The following SGK2 variants were observed in gnomAD, a reference collection of about 807,000 sequenced individuals.
The protein encoded by SGK2 is serum/glucocorticoid regulated kinase 2, also known as serine/threonine-protein kinase Sgk2.
SGK2 carries 36 observed loss-of-function variants against 47.5 expected under a neutral mutation model. That is an observed-to-expected ratio of 0.76 (90% CI 0.58 to 1.00). SGK2 has a LOEUF of 1.00. Ranked by LOEUF, SGK2 falls within the 50% of genes least tolerant of loss-of-function variation. The pLI, the probability that SGK2 is intolerant of heterozygous loss-of-function variation, is 0.00. For missense variants in SGK2, 404 were observed against 467.4 expected (o/e 0.86, Z 1.25); for synonymous variants, 157 against 181.9 (o/e 0.86, Z 1.10).
intron 1 of SGK2, chr20:43,566,074 G>C (rs2145532491): frequency 2.4e-6 from 1 of 423,238 alleles, no homozygotes; most frequent in South Asian, 7.3e-5. Context: ...TAGGCCACAG[G>C]CCTTCCATCT....
intron 11 of SGK2, among the ~76,000 whole-genome samples, chr20:43,579,201 G>C (rs1235338621): frequency 3.3e-5 from 5 of 151,998 alleles, no homozygotes; most frequent in Admixed American, 2.6e-4. Flanking sequence ...TATTTTTGTA[G>C]AGACGAGGTC....
chr20:43,579,664 G>A (rs902068701), intron 11 of SGK2, among the ~76,000 whole-genome samples: 2 of 152,166 alleles, frequency 1.3e-5, no homozygotes, highest in East Asian at 1.9e-4. Context: ...CCCACCCCCA[G>A]AGCAGATTCT....
intron 11 of SGK2, among the ~76,000 whole-genome samples, chr20:43,576,828 G>A (rs774668929): frequency 1.1e-4 from 16 of 152,212 alleles, no homozygotes; most frequent in Non-Finnish European, 2.4e-4. Flanking sequence ...TGTAATCCTG[G>A]CTACTTAGTA....
In SGK2 at chr20:43,585,480, C is replaced by T. The variant is rs1376958842; in HGVS notation, c.*464C>T. The T allele has an allele frequency of 6.4e-6, 1 of 155,140 alleles. No homozygotes were observed. Among genetic ancestry groups the T allele is most frequent in the Non-Finnish European group, 1.4e-5 (1 of 69,722 alleles). 9.6% of individuals were successfully genotyped at this position (155,140 alleles called of 1,614,324 possible). ...GACTATCCCTAATAACAAAGGGGTTCTGACACTAAGACATTAGGGGAGAAT... is the reference window on the plus strand; with the variant it reads ...GACTATCCCTAATAACAAAGGGGTTTTGACACTAAGACATTAGGGGAGAAT... On this transcript the variant is annotated 3_prime_UTR_variant, in exon 13 of 13. Transcript: ENST00000373100.
intron 1 of SGK2, among the ~76,000 whole-genome samples, chr20:43,560,153 TAACTC>T (rs1179404137): frequency 4.6e-5 from 7 of 152,196 alleles, no homozygotes; most frequent in Admixed American, 6.5e-5. Flanking sequence ...ACTTGAATAT[TAACTC>T]AACAGCAATA....
Position 43,567,080 on chromosome 20 carries a change from A to G in SGK2, c.49A>G (p.Asn17Asp). 1.2e-6 allele frequency: 2 copies of G among 1,614,150 alleles called. No homozygotes were observed. Among genetic ancestry groups the G allele is most frequent in the Non-Finnish European group, 1.7e-6 (2 of 1,179,962 alleles). ...GTPSPQPSRA[N>D]GNINLGPSAN... ...CTTCTTTCTTTAGCCCTCCAGGGCC[A>G]ATGGGAACATCAACCTGGGGCCTTC... is the stretch of plus-strand genomic sequence containing the variant. Residue 17 changes from asparagine (N) to aspartate (D), a missense_variant, in exon 3 of 13, where the codon AAT (asparagine) becomes GAT (aspartate). Physicochemically the swap from Asn to Asp is conservative, Grantham distance 23 (BLOSUM62 1). Coordinates refer to ENST00000373100, the MANE Select transcript of SGK2 (RefSeq NM_170693.3).
At chr20:43,560,640 G>A (rs1447407260) in intron 1 of SGK2, among the ~76,000 whole-genome samples, 1 of 151,914 alleles carries the variant, frequency 6.6e-6, no homozygotes, top group Non-Finnish European at 1.5e-5. Context: ...TTACAAAATT[G>A]GTACCCCTAC....
chr20:43,576,994 CATT>C (rs1323425474), intron 11 of SGK2, among the ~76,000 whole-genome samples: 1 of 151,974 alleles, frequency 6.6e-6, no homozygotes, highest in Non-Finnish European at 1.5e-5. Context: ...AAAACCCAAA[CATT>C]ATATACAATT....
At chr20:43,560,297 G>A (rs1287627342) in intron 1 of SGK2, among the ~76,000 whole-genome samples, 1 of 152,126 alleles carries the variant, frequency 6.6e-6, no homozygotes, top group African/African-American at 2.4e-5. Context: ...TCAGGAGTTT[G>A]AGACCAGCCT....
intron 1 of SGK2, among the ~76,000 whole-genome samples, chr20:43,564,629 A>C (rs554249142): frequency 6.8e-6 from 1 of 147,980 alleles, no homozygotes; most frequent in Non-Finnish European, 1.5e-5. Context: ...AGACATCCAC[A>C]CAGACTCACA....
Position 43,567,073 on chromosome 20 carries a change from C to G in SGK2, c.42C>G (p.Ser14=). The G allele has an allele frequency of 6.2e-7, 1 of 1,613,974 alleles. No individual in the cohort carries two copies. The highest frequency in any genetic ancestry group is 8.5e-7 in the Non-Finnish European group (1 of 1,179,816). The change falls in exon 3 of 13, where the codon TCC becomes TCG. Residue 14 remains serine (S), a synonymous_variant. Coordinates refer to ENST00000373100, the MANE Select transcript of SGK2 (RefSeq NM_170693.3). ...ATAATCACTTCTTTCTTTAGCCCTC[C>G]AGGGCCAATGGGAACATCAACCTGG... ...SPAGTPSPQP[S]RANGNINLGP...
chr20:43,571,952 G>A, intron 8 of SGK2, 99 bp from the exon 9 acceptor site: 1 of 780,384 alleles, frequency 1.3e-6, no homozygotes, highest in South Asian at 1.6e-5. Context: ...AGATCCCACA[G>A]CTGCTGCCCT....
At position 43,567,637 on chromosome 20, in the gene SGK2, T is replaced by C. The variant is rs1979814961; in HGVS notation, c.87-28T>C. ...CCAGGTTTCCAGACATTGCAAATGC[T>C]GATCCGTGTTTTTCCCTCTTCCCCC... On this transcript the variant is annotated intron_variant, in intron 3 of 12. Coordinates refer to ENST00000373100, the MANE Select transcript of SGK2 (RefSeq NM_170693.3). 5 of 1,611,550 alleles carry C rather than the reference T, an allele frequency of 3.1e-6. No homozygotes were observed. In the Admixed American group the frequency reaches 8.3e-5, roughly 27 times the overall value.
Position 43,572,120 on chromosome 20 carries a change from T to A in SGK2, c.580T>A (p.Phe194Ile). 1 of 1,549,024 alleles carries A rather than the reference T, an allele frequency of 6.5e-7. No individual in the cohort carries two copies. Among genetic ancestry groups the A allele is most frequent in the Admixed American group, 2.0e-5 (1 of 50,982 alleles). ...AGAGCCTGAAGACACCACATCCACATTCTGTGGTACCCCTGAGGTAAGCGT... is the reference window on the plus strand; with the variant it reads ...AGAGCCTGAAGACACCACATCCACAATCTGTGGTACCCCTGAGGTAAGCGT... ...GVEPEDTTST[F>I]CGTPEYLAPE... Residue 194 changes from phenylalanine (F) to isoleucine (I), a missense_variant, in exon 9 of 13, where the codon TTC (phenylalanine) becomes ATC (isoleucine). Phe to Ile is a conservative substitution (Grantham distance 21). Coordinates refer to ENST00000373100, the MANE Select transcript of SGK2 (RefSeq NM_170693.3). The surrounding 1 kb of genome is among the most constrained non-coding windows in gnomAD (Gnocchi z 4.2).
intron 1 of SGK2, 33 bp from the exon 2 acceptor site, chr20:43,566,440 C>T (rs1979723905): frequency 1.9e-6 from 3 of 1,614,056 alleles, no homozygotes; most frequent in African/African-American, 1.3e-5. Context: ...CCAACACCAA[C>T]TCTCTCATGC....
intron 8 of SGK2, among the ~76,000 whole-genome samples, chr20:43,571,310 G>A (rs1980116045): frequency 6.6e-6 from 1 of 152,210 alleles, no homozygotes; most frequent in African/African-American, 2.4e-5. Context: ...GCCAGGTGGA[G>A]GCTGGTGGAG....
chr20:43,562,294 T>G (rs1029821652), intron 1 of SGK2, among the ~76,000 whole-genome samples: 1 of 150,734 alleles, frequency 6.6e-6, no homozygotes, highest in Non-Finnish European at 1.5e-5. Flanking sequence ...GGTGTGTGTC[T>G]ATAGTCCCAG....
At chr20:43,576,954 C>CA (rs1211624313) in intron 11 of SGK2, among the ~76,000 whole-genome samples, 1 of 151,842 alleles carries the variant, frequency 6.6e-6, no homozygotes, top group African/African-American at 2.4e-5. Context: ...AAAACAAAAA[C>CA]AAAAAAAGTT....
chr20:43,583,895 G>A (rs530219769), intron 12 of SGK2, among the ~76,000 whole-genome samples: 4 of 152,326 alleles, frequency 2.6e-5, no homozygotes, highest in African/African-American at 9.6e-5. Flanking sequence ...CTGGGATGTC[G>A]AAGCTATAGT....
Sources: allele counts gnomAD v4.1 joint callset (sites outside exome capture counted in the v4.1 genomes callset), GRCh38; gene constraint gnomAD v4.1.1; non-coding constraint Gnocchi (gnomAD v3.1); transcripts MANE v1.5; gene names NCBI Gene and HGNC (gene_info 2026-07-23, HGNC 2026-07-21).